EDNRB: variants seen among roughly 807,000 people sequenced by gnomAD.
The protein encoded by EDNRB is endothelin receptor type B, also known as Hirschsprung disease 2.
Under a neutral mutation model 46.4 loss-of-function variants are expected in EDNRB, and 18 were observed. The ratio of observed to expected loss-of-function variants is 0.39; its 90% confidence interval spans 0.27 to 0.57. The LOEUF (loss-of-function observed/expected upper bound fraction) is 0.57. EDNRB is among the 20% of genes least tolerant of loss of function. The probability of loss-of-function intolerance (pLI) is 0.61; values close to 1 mark genes in which losing one functional copy is unlikely to be tolerated. For synonymous variants in EDNRB, 213 were observed against 204.9 expected (o/e 1.04, Z -0.34); for missense variants, 434 against 537.5 (o/e 0.81, Z 1.90).
chr13:77,963,842 A>G (rs1280467714), intron 1 of EDNRB, among the ~76,000 whole-genome samples: 1 of 152,224 alleles, frequency 6.6e-6, no homozygotes, highest in Non-Finnish European at 1.5e-5. Context: ...CAACCTACAG[A>G]ATGGGAGAAA....
At chr13:77,974,411 A>C (rs1040720165) in intron 1 of EDNRB, among the ~76,000 whole-genome samples, 22 of 152,186 alleles carry the variant, frequency 1.4e-4, no homozygotes, top group Non-Finnish European at 3.1e-4. Context: ...TTTGATAGGA[A>C]GGCCTCAGTG....
rs1000755783 is a variant in EDNRB, at chr13:77,903,468, A to G, written c.596+27T>C. On this transcript the variant is annotated intron_variant, in intron 2 of 6. Coordinates refer to ENST00000646607, the MANE Select transcript of EDNRB (RefSeq NM_001122659.3). ...GAAAACAATAGTATATATTCAGAAT[A>G]TACTTGGATTAAATAGAAGCTTCTA... 5 of 1,610,790 alleles carry G rather than the reference A, an allele frequency of 3.1e-6. No homozygotes were observed. The African/African-American group carries it at 6.7e-5, about 22-fold the overall frequency.
intron 1 of EDNRB, among the ~76,000 whole-genome samples, chr13:77,946,317 G>A (rs973630185): frequency 2.0e-5 from 3 of 152,156 alleles, no homozygotes; most frequent in African/African-American, 7.2e-5. Flanking sequence ...TGAGAGGGAA[G>A]GGGGGAAAAG....
chr13:77,901,154 T>C lies in EDNRB; in HGVS notation c.855A>G (p.Pro285=). ...WWLFSFYFCL[P]LAITAFFYTL... is the part of the protein sequence containing the mutation. ...TATAAAAAAATGCAGTGATGGCCAA[T>C]GGCAAGCAGAAATAGAAACTGAATA... Residue 285 remains proline (P), a synonymous_variant, in exon 4 of 7, where the codon CCA becomes CCG. Transcript: ENST00000646607. 1 of 1,611,428 alleles carries C rather than the reference T, an allele frequency of 6.2e-7. No homozygotes were observed. Among genetic ancestry groups the C allele is most frequent in the Non-Finnish European group, 8.5e-7 (1 of 1,178,420 alleles).
upstream of EDNRB, among the ~76,000 whole-genome samples, chr13:77,923,911 C>T (rs1880159959): frequency 6.6e-6 from 1 of 151,700 alleles, no homozygotes; most frequent in East Asian, 1.9e-4. Flanking sequence ...TGTACTTAAT[C>T]AATGAGATAC....
At chr13:77,954,332 A>G (rs1881173451) in intron 1 of EDNRB, among the ~76,000 whole-genome samples, 1 of 152,052 alleles carries the variant, frequency 6.6e-6, no homozygotes, top group Non-Finnish European at 1.5e-5. Context: ...GTCTACTTCT[A>G]TACCATTGGC....
At chr13:77,963,658 A>G (rs530078493) in intron 1 of EDNRB, among the ~76,000 whole-genome samples, 37 of 152,376 alleles carry the variant, frequency 2.4e-4, no homozygotes, top group African/African-American at 7.7e-4. Flanking sequence ...ACCTAAAACC[A>G]TAAAAACCCT....
chr13:77,956,604 A>G (rs1211743110), intron 1 of EDNRB, among the ~76,000 whole-genome samples: 1 of 152,244 alleles, frequency 6.6e-6, no homozygotes. Flanking sequence ...ACAAATTGCC[A>G]TTAATTTTGT....
rs112430344 is a variant in EDNRB, at chr13:77,964,747, T to C, written c.-52+10600A>G. On this transcript the variant is annotated intron_variant, in intron 1 of 7. Transcript: ENST00000646948. ...ACATATGTAACAAACTTGCACGTTG[T>C]GCACATGTACCCTAGAACTTAAAGT... 5.2e-3 allele frequency among the ~76,000 whole-genome samples: 787 copies of C among 152,200 alleles called. 12 individuals are homozygous for C. Among genetic ancestry groups the C allele is most frequent in the African/African-American group, 0.018 (739 of 41,506 alleles).
intron 1 of EDNRB, among the ~76,000 whole-genome samples, chr13:77,951,607 A>G (rs545985677): frequency 2.6e-4 from 39 of 152,308 alleles, no homozygotes; most frequent in African/African-American, 8.9e-4. Context: ...TTGGTGCAGC[A>G]AAGAGAACAA....
intron 1 of EDNRB, among the ~76,000 whole-genome samples, chr13:77,952,077 C>A (rs1188498423): frequency 6.6e-6 from 1 of 152,098 alleles, no homozygotes; most frequent in African/African-American, 2.4e-5. Flanking sequence ...AGGTCCCGAT[C>A]CAGATCCCAA....
At chr13:77,974,330 C>A (rs1426711740) in intron 1 of EDNRB, among the ~76,000 whole-genome samples, 1 of 151,972 alleles carries the variant, frequency 6.6e-6, no homozygotes, top group Non-Finnish European at 1.5e-5. Flanking sequence ...TACTTTTTTT[C>A]TGTTAGCAAA....
chr13:77,922,779 G>A (rs1448083295), upstream of EDNRB, among the ~76,000 whole-genome samples: 1 of 152,188 alleles, frequency 6.6e-6, no homozygotes, highest in Non-Finnish European at 1.5e-5. Flanking sequence ...GGGCTTAACT[G>A]CAGCTTGAAG....
At position 77,918,823 on chromosome 13, in the gene EDNRB, GT is replaced by G; in HGVS notation, c.-251del. On this transcript the variant is annotated 5_prime_UTR_variant, in exon 1 of 7. Coordinates refer to ENST00000646607, the MANE Select transcript of EDNRB (RefSeq NM_001122659.3). The surrounding 1 kb of genome is among the most constrained non-coding windows in gnomAD (Gnocchi z 4.5). Reference sequence around the variant, plus strand: ...ACTCCTTCCTGATGCCCTCTCAGCTGTTTTTCTTCCCCCGCGTGGCCAGGAG... The same window carrying G: ...ACTCCTTCCTGATGCCCTCTCAGCTGTTTTCTTCCCCCGCGTGGCCAGGAG... The G allele has an allele frequency of 7.7e-7, 1 of 1,301,608 alleles. No individual in the cohort carries two copies. The highest frequency in any genetic ancestry group is 9.7e-7 in the Non-Finnish European group (1 of 1,029,550). 80.6% of individuals were successfully genotyped at this position (1,301,608 alleles called of 1,614,324 possible). A position where few individuals can be genotyped will look rare whatever the true frequency, so the allele number is the denominator to read the frequency against.
At chr13:77,945,876 C>CAAAAAAAAAAAAAAA (rs67463440) in intron 1 of EDNRB, among the ~76,000 whole-genome samples, 5 of 115,606 alleles carry the variant, frequency 4.3e-5, no homozygotes, top group Middle Eastern at 5.2e-3. Flanking sequence ...TGCAAAAAAC[C>CAAAAAAAAAAAAAAA]AAAAAAAAAA....
chr13:77,922,901 C>T (rs529645850), upstream of EDNRB, among the ~76,000 whole-genome samples: 12 of 152,146 alleles, frequency 7.9e-5, no homozygotes, highest in Non-Finnish European at 1.6e-4. Flanking sequence ...GACGCTATTC[C>T]TGTTAAAACG....
chr13:77,965,988 C>A (rs1881569002), intron 1 of EDNRB, among the ~76,000 whole-genome samples: 1 of 152,128 alleles, frequency 6.6e-6, no homozygotes, highest in East Asian at 1.9e-4. Context: ...GCAATCCTTC[C>A]ACCTCAGCCC....
intron 1 of EDNRB, among the ~76,000 whole-genome samples, chr13:77,953,799 G>A (rs566783276): frequency 1.5e-4 from 23 of 152,060 alleles, no homozygotes; most frequent in Admixed American, 1.4e-3. Flanking sequence ...ATCTGAACTC[G>A]GATGGCTGTG....
intron 6 of EDNRB, chr13:77,899,607 T>A (rs1171390603): frequency 4.8e-6 from 2 of 412,550 alleles, no homozygotes; most frequent in African/African-American, 4.0e-5. Flanking sequence ...TTTTATTACT[T>A]TTTGGTCAAC....
Sources: allele counts gnomAD v4.1 joint callset (sites outside exome capture counted in the v4.1 genomes callset), GRCh38; gene constraint gnomAD v4.1.1; non-coding constraint Gnocchi (gnomAD v3.1); transcripts MANE v1.5; gene names NCBI Gene and HGNC (gene_info 2026-07-23, HGNC 2026-07-21).